The following GTF2H1 variants were observed in gnomAD, a reference collection of about 807,000 sequenced individuals.
GTF2H1 encodes the protein general transcription factor IIH subunit 1, also known as BTF2 p62.
A neutral mutation model predicts 71.2 loss-of-function variants in GTF2H1; 16 were observed. The ratio of observed to expected loss-of-function variants is 0.22; its 90% CI spans 0.15 to 0.34. The LOEUF is 0.34. Ranked by LOEUF, GTF2H1 falls within the 10% of genes least tolerant of loss-of-function variation. The pLI is 1.00. For synonymous variants in GTF2H1, 215 were observed against 219.0 expected, an observed-to-expected ratio of 0.98 and a Z score of 0.16; for missense variants, 498 against 648.2, an observed-to-expected ratio of 0.77 and a Z score of 2.52.
chr11:18,347,942 C>T lies in GTF2H1; in HGVS notation c.1053+23C>T, dbSNP rs370398806. The T allele has an allele frequency of 2.9e-5, 43 of 1,482,270 alleles. No individual in the cohort carries two copies. The African/African-American group carries it at 4.3e-4, about 15-fold the overall frequency. 91.8% of individuals were successfully genotyped at this position (1,482,270 alleles called of 1,614,324 possible). ...AGGGTATGGGCAAAAAAATATGAAC[C>T]ATTTGGGGCTCAAGTTTCTCCAAAT... On this transcript the variant is annotated intron_variant, in intron 9 of 14. Coordinates refer to ENST00000265963, the MANE Select transcript of GTF2H1 (RefSeq NM_005316.4).
intron 7 of GTF2H1, among the ~76,000 whole-genome samples, chr11:18,343,337 G>A (rs1028318040): frequency 6.6e-6 from 1 of 152,122 alleles, no homozygotes; most frequent in African/African-American, 2.4e-5. Context: ...TAGGTAATAG[G>A]CATTATTGTT....
intron 3 of GTF2H1, among the ~76,000 whole-genome samples, chr11:18,337,835 C>T (rs1865068874): frequency 6.6e-6 from 1 of 152,058 alleles, no homozygotes; most frequent in Non-Finnish European, 1.5e-5. Context: ...CACTGGGATA[C>T]GGAGATGAAT....
chr11:18,337,976 C>T, intron 3 of GTF2H1, 133 bp from the exon 4 acceptor site: 2 of 581,358 alleles, frequency 3.4e-6, no homozygotes, highest in South Asian at 2.6e-5. Flanking sequence ...ACTGAAGGAC[C>T]TCTGCTGCTC....
chr11:18,322,842 A>G (rs933380049), intron 1 of GTF2H1, 102 bp downstream of exon 1: 2 of 152,264 alleles, frequency 1.3e-5, no homozygotes, highest in African/African-American at 4.8e-5. Flanking sequence ...CCCTGTTCCC[A>G]GCGTCGCTGT....
At chr11:18,360,807 CTT>C (rs370660216) in intron 14 of GTF2H1, 100 bp downstream of exon 14, 10,031 of 494,664 alleles carry the variant, frequency 0.02, no homozygotes, top group Middle Eastern at 0.028. Context: ...ACTTAATTTT[CTT>C]TTTTTTTTTT....
At chr11:18,326,521 C>CA (rs11384798) in intron 1 of GTF2H1, among the ~76,000 whole-genome samples, 146,723 of 148,008 alleles carry the variant, frequency 0.99, 72,726 homozygotes, top group East Asian at 1. Context: ...GACTCCTTCT[C>CA]AAAAAAAAAA....
intron 11 of GTF2H1, 84 bp downstream of exon 11, chr11:18,352,530 C>G: frequency 3.2e-6 from 2 of 615,572 alleles, no homozygotes; most frequent in Admixed American, 2.7e-5. Flanking sequence ...AACCATACAA[C>G]TAATATTTTA....
At chr11:18,356,312 A>G (rs1419164470) in intron 11 of GTF2H1, among the ~76,000 whole-genome samples, 3 of 145,612 alleles carry the variant, frequency 2.1e-5, no homozygotes, top group African/African-American at 7.7e-5. Flanking sequence ...TGGGAGGCGG[A>G]GGTTGCAGTG....
At chr11:18,361,507 A>C (rs1300533459) in intron 14 of GTF2H1, among the ~76,000 whole-genome samples, 2 of 152,144 alleles carry the variant, frequency 1.3e-5, no homozygotes, top group African/African-American at 4.8e-5. Flanking sequence ...TGTCTCTACT[A>C]AAAATACAAA....
rs1865838951 is a variant in GTF2H1, at chr11:18,366,915, T to G, written c.*1046T>G. The G allele has an allele frequency of 6.6e-6, 1 of 150,622 alleles. No individual in the cohort carries two copies. Among genetic ancestry groups the G allele is most frequent in the Non-Finnish European group, 1.5e-5 (1 of 67,626 alleles). The allele number at this position is 150,622 out of a possible 1,614,324, so 9.3% of individuals were successfully genotyped here. A position where few individuals can be genotyped will look rare whatever the true frequency, so the allele number is the denominator to read the frequency against. On this transcript the variant is annotated 3_prime_UTR_variant, in exon 15 of 15. Coordinates refer to ENST00000265963, the MANE Select transcript of GTF2H1 (RefSeq NM_005316.4). The stretch of plus-strand genomic sequence containing the variant: ...AGTGCAAAAAAAAAAAAAAAAGATG[T>G]TCTTGTTTCTGAACTTCGTGCCATA...
chr11:18,329,507 C>G (rs1017652964), intron 1 of GTF2H1, among the ~76,000 whole-genome samples: 1 of 152,218 alleles, frequency 6.6e-6, no homozygotes, highest in African/African-American at 2.4e-5. Flanking sequence ...CCTCTCCAGT[C>G]TCTCCTGCTG....
chr11:18,365,721 G>A, intron 14 of GTF2H1, 62 bp from the exon 15 acceptor site: 2 of 1,103,578 alleles, frequency 1.8e-6, no homozygotes, highest in Non-Finnish European at 2.8e-6. Context: ...CCAGATTTGG[G>A]TTGGAAGGAT....
intron 5 of GTF2H1, 22 bp downstream of exon 5, chr11:18,339,679 A>C: frequency 3.7e-6 from 5 of 1,335,522 alleles, no homozygotes; most frequent in Non-Finnish European, 5.4e-6. Context: ...CAGTTCTTTC[A>C]GATGGTTAAA....
intron 1 of GTF2H1, among the ~76,000 whole-genome samples, chr11:18,328,823 C>CAA (rs1014351335): frequency 3.9e-5 from 5 of 128,014 alleles, no homozygotes; most frequent in Non-Finnish European, 6.7e-5. Flanking sequence ...GACTCCATCT[C>CAA]AAAAAAAAAA....
At chr11:18,361,305 T>G (rs767487010) in intron 14 of GTF2H1, among the ~76,000 whole-genome samples, 1 of 152,204 alleles carries the variant, frequency 6.6e-6, no homozygotes, top group Non-Finnish European at 1.5e-5. Context: ...CCACTCTCTC[T>G]TCCCCTCCAG....
chr11:18,352,276 G>C, intron 10 of GTF2H1, 53 bp from the exon 11 acceptor site: 1 of 818,260 alleles, frequency 1.2e-6, no homozygotes, highest in South Asian at 1.5e-5. Flanking sequence ...AAAGACAAAT[G>C]TTGAGCATCT....
chr11:18,348,793 T>G (rs1278383830), intron 9 of GTF2H1: 1 of 152,220 alleles, frequency 6.6e-6, no homozygotes, highest in Non-Finnish European at 1.5e-5. Context: ...CAAATGAATA[T>G]GCTAAACGGT....
At chr11:18,330,081 T>C (rs1864859704) in intron 1 of GTF2H1, among the ~76,000 whole-genome samples, 1 of 152,232 alleles carries the variant, frequency 6.6e-6, no homozygotes, top group Non-Finnish European at 1.5e-5. Context: ...GGGTGTGTAC[T>C]ATAGTCAAAA....
intron 1 of GTF2H1, among the ~76,000 whole-genome samples, chr11:18,330,779 A>T (rs1864876200): frequency 6.6e-6 from 1 of 152,218 alleles, no homozygotes; most frequent in African/African-American, 2.4e-5. Context: ...GATCTTTGAA[A>T]GCAGAAATCA....
Sources: gnomAD v4.1 joint callset for allele counts (sites outside exome capture counted in the v4.1 genomes callset) on GRCh38, gnomAD v4.1.1 for gene constraint, MANE v1.5 for transcripts, NCBI Gene and HGNC (gene_info 2026-07-23, HGNC 2026-07-21) for gene names.